Variants in ZFR2 observed in about 807,000 individuals in gnomAD.
ZFR2 encodes zinc finger RNA-binding protein 2.
A neutral mutation model predicts 105.7 loss-of-function variants in ZFR2; 104 were observed. The observed-to-expected ratio is 0.98, with a 90% CI of 0.84 to 1.16. ZFR2 has a LOEUF of 1.16. Ranked by LOEUF, ZFR2 falls within the 50% of genes most tolerant of loss-of-function variation. The probability of loss-of-function intolerance (pLI) is 0.00; values close to 1 mark genes in which losing one functional copy is unlikely to be tolerated. For synonymous variants in ZFR2, 634 were observed against 597.7 expected (o/e 1.06, Z -0.89); for missense variants, 1,425 against 1,355.5 (o/e 1.05, Z -0.80).
chr19:3,853,815 T>C (rs575800646), intron 1 of ZFR2, among the ~76,000 whole-genome samples: 3 of 152,094 alleles, frequency 2.0e-5, no homozygotes, highest in South Asian at 4.2e-4. Flanking sequence ...CACCTGTTAA[T>C]CCCAGCACTT....
At chr19:3,807,697 ATG>A (rs1251275370) in intron 17 of ZFR2, among the ~76,000 whole-genome samples, 3 of 147,016 alleles carry the variant, frequency 2.0e-5, no homozygotes, top group South Asian at 2.2e-4. Context: ...GCATGCACCC[ATG>A]TGTGTCCATG....
chr19:3,827,240 C>A (rs1260249820), intron 6 of ZFR2, among the ~76,000 whole-genome samples: 1 of 151,944 alleles, frequency 6.6e-6, no homozygotes, highest in Non-Finnish European at 1.5e-5. Flanking sequence ...AGACTTTGTC[C>A]CCATTAAAAA....
In ZFR2 at chr19:3,847,056, G is replaced by A. The variant is rs192670821; in HGVS notation, c.54-12073C>T. On this transcript the variant is annotated intron_variant, in intron 1 of 18. Coordinates refer to ENST00000262961, the MANE Select transcript of ZFR2 (RefSeq NM_015174.2). ...CAGGGTTGGCAAGTTGGTGCTGACTGTTGGTGGCAGTCCTTGTTCCTCCCA... is the reference window on the plus strand; with the variant it reads ...CAGGGTTGGCAAGTTGGTGCTGACTATTGGTGGCAGTCCTTGTTCCTCCCA... Among the ~76,000 whole-genome samples, 5 of 152,318 alleles carry A rather than the reference G, an allele frequency of 3.3e-5. No individual in the cohort carries two copies. The East Asian group carries it at 9.6e-4, about 29-fold the overall frequency.
intron 1 of ZFR2, among the ~76,000 whole-genome samples, chr19:3,841,564 A>T (rs1164665230): frequency 2.0e-5 from 3 of 152,066 alleles, no homozygotes; most frequent in African/African-American, 7.2e-5. Flanking sequence ...GAGCACCTGT[A>T]GTCCCAGCTA....
chr19:3,865,948 TCTC>T (rs1429080431), intron 1 of ZFR2, among the ~76,000 whole-genome samples: 1 of 151,900 alleles, frequency 6.6e-6, no homozygotes, highest in African/African-American at 2.4e-5. Context: ...TTCAAGAGAT[TCTC>T]CTGCCTCAGC....
chr19:3,817,802 G>A (rs1430188394), intron 12 of ZFR2, among the ~76,000 whole-genome samples: 1 of 149,994 alleles, frequency 6.7e-6, no homozygotes, highest in Non-Finnish European at 1.5e-5. Flanking sequence ...CTTCCTGGGC[G>A]CTCCTTGTAT....
chr19:3,823,776 A>G lies in ZFR2; in HGVS notation c.1214-373T>C, dbSNP rs2037921353. On this transcript the variant is annotated intron_variant, in intron 7 of 18. Coordinates refer to ENST00000262961, the MANE Select transcript of ZFR2 (RefSeq NM_015174.2). The surrounding 1 kb of genome is among the most constrained non-coding windows in gnomAD (Gnocchi z 5.4). ...ATGATGGAGCCTCGGGGGGAGACAA[A>G]TATCTTTGTTATAAGAATGACTTGA... Among the ~76,000 whole-genome samples, 1 of 152,146 alleles carries G rather than the reference A, an allele frequency of 6.6e-6. No homozygotes were observed. Among genetic ancestry groups the G allele is most frequent in the Non-Finnish European group, 1.5e-5 (1 of 68,032 alleles).
rs375718962 is a variant in ZFR2, at chr19:3,861,654, G to A, written c.53+7311C>T. 4.0e-5 allele frequency among the ~76,000 whole-genome samples: 6 copies of A among 150,950 alleles called. No individual in the cohort carries two copies. The South Asian group carries it at 6.3e-4, about 16-fold the overall frequency. ...AAATAATTGAAATAGGGCTGGGCACGGTGGCTCACGCCTGTAATCCCAGCA... is the reference window on the plus strand; with the variant it reads ...AAATAATTGAAATAGGGCTGGGCACAGTGGCTCACGCCTGTAATCCCAGCA... On this transcript the variant is annotated intron_variant, in intron 1 of 18. Transcript: ENST00000262961.
intron 1 of ZFR2, among the ~76,000 whole-genome samples, chr19:3,846,876 A>T (rs1213654879): frequency 6.6e-6 from 1 of 152,254 alleles, no homozygotes; most frequent in African/African-American, 2.4e-5. Context: ...GCTAAGTAAT[A>T]GATTAACCTT....
intron 1 of ZFR2, among the ~76,000 whole-genome samples, chr19:3,868,377 G>C (rs1238734294): frequency 7.2e-6 from 1 of 139,082 alleles, no homozygotes; most frequent in African/African-American, 2.8e-5. Flanking sequence ...TCCTCCCCCC[G>C]CAATCGGGGG....
At chr19:3,821,084 G>A (rs973870796) in intron 10 of ZFR2, among the ~76,000 whole-genome samples, 2 of 152,148 alleles carry the variant, frequency 1.3e-5, no homozygotes, top group South Asian at 2.1e-4. Flanking sequence ...CGAGTTGGCC[G>A]GCAGTGTCCC....
chr19:3,819,387 C>T (rs2037864497), intron 11 of ZFR2, among the ~76,000 whole-genome samples, 152 bp from the exon 12 acceptor site: 1 of 152,176 alleles, frequency 6.6e-6, no homozygotes, highest in South Asian at 2.1e-4. Flanking sequence ...CAGAGAGCCC[C>T]GGGGTGGGGA....
At chr19:3,812,017 C>A (rs1350159539) in intron 14 of ZFR2, among the ~76,000 whole-genome samples, 8 of 152,168 alleles carry the variant, frequency 5.3e-5, no homozygotes, top group African/African-American at 1.9e-4. Context: ...AATCTTGGCT[C>A]ACTGCAACCT....
intron 1 of ZFR2, among the ~76,000 whole-genome samples, chr19:3,841,609 C>T (rs960994767): frequency 6.6e-6 from 1 of 151,798 alleles, no homozygotes; most frequent in Non-Finnish European, 1.5e-5. Context: ...CACTTGAGCC[C>T]AGGAATTTGA....
chr19:3,811,359 C>A lies in ZFR2; in HGVS notation c.2250G>T (p.Glu750Asp). 6.3e-7 allele frequency: 1 copy of A among 1,592,992 alleles called. No individual in the cohort carries two copies. Among genetic ancestry groups the A allele is most frequent in the East Asian group, 2.3e-5 (1 of 43,776 alleles). The change falls in exon 15 of 19, where the codon GAG becomes GAT. Residue 750 changes from glutamate (E) to aspartate (D), a missense_variant. Physicochemically the swap from Glu to Asp is conservative, Grantham distance 45. Coordinates refer to ENST00000262961, the MANE Select transcript of ZFR2 (RefSeq NM_015174.2). The stretch of plus-strand genomic sequence containing the variant: ...CATCACCTGCATCAGCCTGAGGCTC[C>A]TCCACACCTTCTAGAAGAAAAACCT... Reference protein sequence around the residue: ...REDPSTDPGVEEPQADAGDVL... With the variant: ...REDPSTDPGVDEPQADAGDVL...
intron 14 of ZFR2, among the ~76,000 whole-genome samples, chr19:3,812,271 G>T (rs749391672): frequency 6.6e-6 from 1 of 151,874 alleles, no homozygotes; most frequent in Non-Finnish European, 1.5e-5. Flanking sequence ...TTATAAATGG[G>T]GTCTCACTAC....
At chr19:3,806,660 C>A (rs540757215) in intron 18 of ZFR2, among the ~76,000 whole-genome samples, 1 of 152,202 alleles carries the variant, frequency 6.6e-6, no homozygotes, top group South Asian at 2.1e-4. Flanking sequence ...GAGGCCCCCC[C>A]GCTCCACTGA....
intron 1 of ZFR2, among the ~76,000 whole-genome samples, chr19:3,863,555 A>G (rs756749110): frequency 2.0e-5 from 3 of 152,014 alleles, no homozygotes; most frequent in Non-Finnish European, 4.4e-5. Flanking sequence ...GGCCTCCCAA[A>G]GTGCTGGGAC....
intron 13 of ZFR2, among the ~76,000 whole-genome samples, chr19:3,814,504 C>T (rs1246529038): frequency 3.9e-5 from 6 of 152,222 alleles, no homozygotes; most frequent in Non-Finnish European, 5.9e-5. Context: ...CTGAAACGCA[C>T]CTCTCTCCCC....
Sources: gnomAD v4.1 joint callset for allele counts (sites outside exome capture counted in the v4.1 genomes callset) on GRCh38, gnomAD v4.1.1 for gene constraint, Gnocchi (gnomAD v3.1) non-coding constraint, MANE v1.5 for transcripts, NCBI Gene and HGNC (gene_info 2026-07-23, HGNC 2026-07-21) for gene names.